Variants in FRMD4B observed in about 807,000 individuals in gnomAD.
FRMD4B encodes FERM domain-containing protein 4B.
In FRMD4B, 74 loss-of-function variants were observed where a neutral mutation model predicts 141.5. The ratio of observed to expected loss-of-function variants is 0.52; its 90% confidence interval spans 0.43 to 0.63. The LOEUF (loss-of-function observed/expected upper bound fraction) is 0.63. Ranked by LOEUF, FRMD4B falls within the 30% of genes least tolerant of loss-of-function variation. FRMD4B has a pLI of 0.00. For synonymous variants in FRMD4B, 506 were observed against 467.9 expected, an observed-to-expected ratio of 1.08 and a Z score of -1.05; for missense variants, 1,366 against 1,253.4, an observed-to-expected ratio of 1.09 and a Z score of -1.36.
intron 2 of FRMD4B, among the ~76,000 whole-genome samples, chr3:69,429,779 G>A (rs1261729484): frequency 2.1e-5 from 3 of 143,144 alleles, no homozygotes; most frequent in Non-Finnish European, 3.0e-5. Context: ...TTTTTGAGGC[G>A]GAGTCTCACT....
At chr3:69,492,234 C>T (rs1175710994) in intron 1 of FRMD4B, among the ~76,000 whole-genome samples, 2 of 152,178 alleles carry the variant, frequency 1.3e-5, no homozygotes, top group African/African-American at 4.8e-5. Context: ...GCACTTCTCC[C>T]ATGTGAGCTT....
At chr3:69,348,856 G>T (rs7633817) in intron 1 of FRMD4B, among the ~76,000 whole-genome samples, 151,486 of 152,304 alleles carry the variant, frequency 0.99, 75,343 homozygotes, top group East Asian at 1. Context: ...GAGCTATTTA[G>T]GACAAACCCA....
At chr3:69,225,103 T>C (rs2093237723) in intron 7 of FRMD4B, among the ~76,000 whole-genome samples, 1 of 152,296 alleles carries the variant, frequency 6.6e-6, no homozygotes, top group East Asian at 1.9e-4. Flanking sequence ...TTTTTCGTAA[T>C]AGATATCATT....
chr3:69,192,476 A>T (rs1336177871), intron 17 of FRMD4B, among the ~76,000 whole-genome samples: 1 of 152,244 alleles, frequency 6.6e-6, no homozygotes, highest in African/African-American at 2.4e-5. Flanking sequence ...AATCAAAGAA[A>T]TACAATCATA....
At chr3:69,528,273 CCTTCCTTCCTTCCTTTT>C (rs967669347) in intron 1 of FRMD4B, among the ~76,000 whole-genome samples, 3 of 149,022 alleles carry the variant, frequency 2.0e-5, no homozygotes, top group Admixed American at 6.8e-5. Flanking sequence ...TTCCTTCCTA[CCTTCCTTCCTTCCTTTT>C]CTTCCTTCCT....
At chr3:69,384,090 C>T (rs1262288279) in intron 1 of FRMD4B, among the ~76,000 whole-genome samples, 1 of 152,058 alleles carries the variant, frequency 6.6e-6, no homozygotes. Flanking sequence ...ACACAGCACA[C>T]TGCCTGACTA....
intron 1 of FRMD4B, chr3:69,541,406 G>A (rs1211154918): frequency 6.6e-6 from 1 of 152,244 alleles, no homozygotes; most frequent in African/African-American, 2.4e-5. Flanking sequence ...GGAAGGAAGC[G>A]GCCACACAAA....
intron 12 of FRMD4B, 171 bp downstream of exon 12, chr3:69,198,527 A>G: frequency 3.4e-6 from 2 of 590,300 alleles, no homozygotes; most frequent in Non-Finnish European, 6.1e-6. Flanking sequence ...CAGCCTTGCC[A>G]TTCCTCAGAG....
At chr3:69,408,174 T>C (rs774188882) in intron 2 of FRMD4B, among the ~76,000 whole-genome samples, 4 of 152,120 alleles carry the variant, frequency 2.6e-5, no homozygotes, top group Non-Finnish European at 5.9e-5. Context: ...AATTAATGCA[T>C]AGATGAAATG....
intron 4 of FRMD4B, among the ~76,000 whole-genome samples, chr3:69,297,467 G>C (rs77612247): frequency 0.024 from 3,722 of 152,096 alleles, 52 homozygotes; most frequent in Non-Finnish European, 0.034. Context: ...AGGGAGAAGA[G>C]GGAAGACCAA....
chr3:69,403,941 G>A lies in FRMD4B; in HGVS notation c.-1+28693C>T, dbSNP rs912111900. 3.9e-5 allele frequency among the ~76,000 whole-genome samples: 6 copies of A among 152,126 alleles called. 1 individual carries two copies. Among genetic ancestry groups the A allele is most frequent in the East Asian group, 3.9e-4 (2 of 5,164 alleles). ...AGAGACAGGGTCTCTCTTGTCACCC[G>A]GGCTCTGGAGTGCAGTGGCACAATT... On this transcript the variant is annotated intron_variant, in intron 2 of 5. Coordinates refer to the FRMD4B transcript ENST00000459638.
chr3:69,265,169 T>C (rs6785791), intron 5 of FRMD4B, among the ~76,000 whole-genome samples: 2 of 139,850 alleles, frequency 1.4e-5, no homozygotes, highest in Non-Finnish European at 3.1e-5. Context: ...GCAGGAGAAT[T>C]GCTTGAACCC....
At chr3:69,506,246 C>T (rs1706593133) in intron 1 of FRMD4B, among the ~76,000 whole-genome samples, 1 of 152,122 alleles carries the variant, frequency 6.6e-6, no homozygotes, top group Admixed American at 6.5e-5. Context: ...GAACAACACG[C>T]ATTTATGTTG....
At chr3:69,416,289 A>T (rs1043465654) in intron 2 of FRMD4B, among the ~76,000 whole-genome samples, 2 of 152,188 alleles carry the variant, frequency 1.3e-5, no homozygotes, top group Non-Finnish European at 2.9e-5. Flanking sequence ...ATTTTTTTGT[A>T]GAGACAGGGT....
intron 3 of FRMD4B, chr3:69,310,484 T>C (rs1208802746): frequency 2.2e-6 from 1 of 456,214 alleles, no homozygotes; most frequent in African/African-American, 2.0e-5. Context: ...CCTCTGATAA[T>C]GTATCGGGCT....
chr3:69,255,313 T>C (rs529991550), intron 5 of FRMD4B, among the ~76,000 whole-genome samples: 2 of 152,216 alleles, frequency 1.3e-5, no homozygotes, highest in African/African-American at 4.8e-5. Flanking sequence ...TAAATTTGGC[T>C]TGGCAGACAT....
intron 7 of FRMD4B, among the ~76,000 whole-genome samples, chr3:69,229,399 A>G (rs533413045): frequency 6.6e-6 from 1 of 152,260 alleles, no homozygotes; most frequent in African/African-American, 2.4e-5. Context: ...TTAATCATCC[A>G]AATCTGGTCG....
rs369408159 is a variant in FRMD4B at position 69,438,439 on chromosome 3, T to C, written c.-128-5678A>G. On this transcript the variant is annotated intron_variant, in intron 1 of 5. Coordinates refer to the FRMD4B transcript ENST00000459638. ...AATATTTTACCACAATAAAAATATG[T>C]TCAAGACAAAAAAGGATATAGAAGC... Among the ~76,000 whole-genome samples, 23 of 152,160 alleles carry C rather than the reference T, an allele frequency of 1.5e-4. 1 individual carries two copies. In the South Asian group the frequency reaches 4.8e-3, roughly 32 times the overall value.
At chr3:69,181,988 T>C (rs1005356718) in intron 20 of FRMD4B, among the ~76,000 whole-genome samples, 6 of 151,944 alleles carry the variant, frequency 3.9e-5, no homozygotes, top group African/African-American at 1.5e-4. Flanking sequence ...AGACTGAGGA[T>C]GCACAGTTTG....
Sources: gnomAD v4.1 joint callset for allele counts (sites outside exome capture counted in the v4.1 genomes callset) on GRCh38, gnomAD v4.1.1 for gene constraint, MANE v1.5 for transcripts, NCBI Gene and HGNC (gene_info 2026-07-23, HGNC 2026-07-21) for gene names.